MAGI2: variants seen among roughly 807,000 people sequenced by gnomAD.
MAGI2 encodes membrane associated guanylate kinase, WW and PDZ domain containing 2.
MAGI2 carries 35 observed loss-of-function variants against 133.3 expected under a neutral mutation model. The ratio of observed to expected loss-of-function variants is 0.26; its 90% confidence interval spans 0.20 to 0.35. The LOEUF (loss-of-function observed/expected upper bound fraction) is 0.35, where lower values mean the gene tolerates loss of function less well. Ranked by LOEUF, MAGI2 falls within the 10% of genes least tolerant of loss-of-function variation. The pLI, the probability that MAGI2 is intolerant of heterozygous loss-of-function variation, is 1.00. For missense variants in MAGI2, 1,636 were observed against 1,863.4 expected (o/e 0.88, Z 2.25); for synonymous variants, 729 against 710.6 (o/e 1.03, Z -0.41).
At chr7:78,439,001 A>G (rs1342617792) in intron 6 of MAGI2, among the ~76,000 whole-genome samples, 1 of 152,152 alleles carries the variant, frequency 6.6e-6, no homozygotes, top group Non-Finnish European at 1.5e-5. Context: ...TAACGTAACT[A>G]CCTTGAACTA....
rs10542588 is a variant in MAGI2, at chr7:78,812,586, A to ATGTGTGTGTG, written c.419-185357_419-185348dup. ...GTTATCTACCTACATATATGTATGT[A>ATGTGTGTGTG]TGTGTGTGTGTGTGTGTGTGTGTGT... On this transcript the variant is annotated intron_variant, in intron 2 of 21. Coordinates refer to ENST00000354212, the MANE Select transcript of MAGI2 (RefSeq NM_012301.4). Among the ~76,000 whole-genome samples the ATGTGTGTGTG allele has an allele frequency of 2.6e-3, 382 of 149,436 alleles. 1 individual carries two copies. The highest frequency in any genetic ancestry group is 9.1e-3 in the African/African-American group (367 of 40,542).
At chr7:79,392,306 C>A (rs1844714666) in intron 1 of MAGI2, among the ~76,000 whole-genome samples, 1 of 152,110 alleles carries the variant, frequency 6.6e-6, no homozygotes, top group Non-Finnish European at 1.5e-5. Context: ...GGAGACAGTG[C>A]TGCAATAAAC....
intron 6 of MAGI2, among the ~76,000 whole-genome samples, chr7:78,443,593 T>G (rs1448207867): frequency 1.4e-4 from 21 of 152,198 alleles, no homozygotes; most frequent in Non-Finnish European, 1.5e-4. Context: ...AACATGTAAC[T>G]AATCCTGTAT....
chr7:78,851,400 T>TA (rs1237598546), intron 2 of MAGI2, among the ~76,000 whole-genome samples: 3 of 151,866 alleles, frequency 2.0e-5, no homozygotes, highest in African/African-American at 7.2e-5. Context: ...CGACAGAGAG[T>TA]AACTGTCTCA....
intron 21 of MAGI2, among the ~76,000 whole-genome samples, chr7:78,029,578 C>T (rs927968928): frequency 7.2e-5 from 11 of 152,242 alleles, no homozygotes; most frequent in Admixed American, 7.2e-4. Context: ...TGCCACCCAC[C>T]CTGAGTCCCA....
chr7:78,768,060 AG>A lies in MAGI2; in HGVS notation c.419-140822del, dbSNP rs1825207332. ...TTAAAACAAAATTCCATTGGTGGGA[AG>A]TTTCTAAGATTGTGATTCTTTTATA... On this transcript the variant is annotated intron_variant, in intron 2 of 21. Coordinates refer to ENST00000354212, the MANE Select transcript of MAGI2 (RefSeq NM_012301.4). Among the ~76,000 whole-genome samples the A allele has an allele frequency of 3.3e-5, 5 of 152,332 alleles. No individual in the cohort carries two copies. The South Asian group carries it at 1.0e-3, about 32-fold the overall frequency.
chr7:79,028,259 A>ACG (rs1810151011), intron 1 of MAGI2, among the ~76,000 whole-genome samples: 3 of 22,062 alleles, frequency 1.4e-4, no homozygotes, highest in African/African-American at 4.0e-4. Context: ...ATATATATAT[A>ACG]TATATATATG....
At chr7:79,027,039 AG>A (rs1809961770) in intron 1 of MAGI2, among the ~76,000 whole-genome samples, 1 of 152,210 alleles carries the variant, frequency 6.6e-6, no homozygotes, top group East Asian at 1.9e-4. Flanking sequence ...TCATCCTGAC[AG>A]ATGAAAGATA....
At chr7:79,101,465 C>T (rs911752264) in intron 1 of MAGI2, among the ~76,000 whole-genome samples, 2 of 152,050 alleles carry the variant, frequency 1.3e-5, no homozygotes, top group African/African-American at 4.8e-5. Context: ...TGTCTCAGGC[C>T]TGTAATTCCA....
At chr7:79,049,719 A>G (rs1465890509) in intron 1 of MAGI2, among the ~76,000 whole-genome samples, 1 of 150,816 alleles carries the variant, frequency 6.6e-6, no homozygotes, top group African/African-American at 2.4e-5. Flanking sequence ...ACTACCTCTC[A>G]TATTTTTATA....
At chr7:79,157,541 C>T (rs1823901569) in intron 1 of MAGI2, among the ~76,000 whole-genome samples, 2 of 139,298 alleles carry the variant, frequency 1.4e-5, no homozygotes, top group African/African-American at 5.2e-5. Flanking sequence ...TAGGCCACAT[C>T]TCAGATCCTC....
At chr7:79,362,483 G>C (rs1057254987) in intron 1 of MAGI2, among the ~76,000 whole-genome samples, 3 of 151,994 alleles carry the variant, frequency 2.0e-5, no homozygotes, top group Non-Finnish European at 4.4e-5. Flanking sequence ...AGAAAATTTA[G>C]AAGAGTAGGG....
At chr7:78,923,215 A>G (rs997105398) in intron 2 of MAGI2, among the ~76,000 whole-genome samples, 1 of 152,104 alleles carries the variant, frequency 6.6e-6, no homozygotes, top group African/African-American at 2.4e-5. Flanking sequence ...CCATTTGTCA[A>G]TTTTGGCTTT....
chr7:78,735,603 A>T (rs1472010727), intron 2 of MAGI2, among the ~76,000 whole-genome samples: 1 of 152,240 alleles, frequency 6.6e-6, no homozygotes, highest in East Asian at 1.9e-4. Flanking sequence ...TCACACTCTT[A>T]TAGAACAAAT....
rs570891490 is a variant in MAGI2 at position 79,395,929 on chromosome 7, T to C, written c.301+57091A>G. On this transcript the variant is annotated intron_variant, in intron 1 of 21. Coordinates refer to ENST00000354212, the MANE Select transcript of MAGI2 (RefSeq NM_012301.4). ...ATAGGCTAAAACATGAATATATAGATATTGCTCTTAAAGTAGAAGAACATG... is the reference window on the plus strand; with the variant it reads ...ATAGGCTAAAACATGAATATATAGACATTGCTCTTAAAGTAGAAGAACATG... 2.0e-5 allele frequency among the ~76,000 whole-genome samples: 3 copies of C among 152,258 alleles called. No homozygotes were observed. In the East Asian group the frequency reaches 5.8e-4, roughly 29 times the overall value.
At position 78,507,505 on chromosome 7, in the gene MAGI2, T is replaced by A. The variant is rs144754016; in HGVS notation, c.755-5718A>T. Among the ~76,000 whole-genome samples, 264 of 152,050 alleles carry A rather than the reference T, an allele frequency of 1.7e-3. 1 individual carries two copies. The highest frequency in any genetic ancestry group is 6.1e-3 in the African/African-American group (253 of 41,458). On this transcript the variant is annotated intron_variant, in intron 4 of 21. Transcript: ENST00000354212. The stretch of plus-strand genomic sequence containing the variant: ...ATCCCTGCACCTCTTCTGGGCAGAG[T>A]GAGTAAAAGAGATGGTAGAATGCAA...
At chr7:79,119,200 G>A (rs1239940995) in intron 1 of MAGI2, among the ~76,000 whole-genome samples, 1 of 152,126 alleles carries the variant, frequency 6.6e-6, no homozygotes, top group Non-Finnish European at 1.5e-5. Context: ...TTAACCAGTA[G>A]TGACCTCTTC....
At chr7:78,097,448 T>C (rs2151234892) in intron 20 of MAGI2, among the ~76,000 whole-genome samples, 1 of 152,056 alleles carries the variant, frequency 6.6e-6, no homozygotes, top group Admixed American at 6.6e-5. Context: ...ATAAAGAAAA[T>C]ATGGTACCTA....
chr7:78,728,828 G>A (rs1821090996), intron 2 of MAGI2, among the ~76,000 whole-genome samples: 1 of 124,410 alleles, frequency 8.0e-6, no homozygotes, highest in South Asian at 2.5e-4. Context: ...GCCTCCCAAA[G>A]TGCTGGGATT....
Sources: allele counts gnomAD v4.1 joint callset (sites outside exome capture counted in the v4.1 genomes callset), GRCh38; gene constraint gnomAD v4.1.1; transcripts MANE v1.5; gene names NCBI Gene and HGNC (gene_info 2026-07-23, HGNC 2026-07-21).